Variants in SGCZ observed in about 807,000 individuals in gnomAD.
SGCZ encodes sarcoglycan zeta, also known as zeta-sarcoglycan.
SGCZ carries 40 observed loss-of-function variants against 41.3 expected under a neutral mutation model. That is an observed-to-expected ratio of 0.97 (90% CI 0.75 to 1.26). The LOEUF (loss-of-function observed/expected upper bound fraction) is 1.26, where lower values mean the gene tolerates loss of function less well. SGCZ is among the 50% of genes most tolerant of loss of function. SGCZ has a pLI of 0.00. For missense variants in SGCZ, 552 were observed against 369.8 expected (o/e 1.49, Z -4.04); for synonymous variants, 206 against 137.5 (o/e 1.50, Z -3.49).
intron 3 of SGCZ, among the ~76,000 whole-genome samples, chr8:14,241,542 C>G (rs1563206422): frequency 6.8e-6 from 1 of 147,768 alleles, no homozygotes; most frequent in African/African-American, 2.5e-5. Flanking sequence ...ACATAAATAT[C>G]TTTTTTTTTT....
chr8:14,845,961 T>C (rs1803086618), intron 1 of SGCZ, among the ~76,000 whole-genome samples: 1 of 152,186 alleles, frequency 6.6e-6, no homozygotes, highest in African/African-American at 2.4e-5. Context: ...CATTTCTTGA[T>C]GATAAACGGG....
chr8:15,222,676 C>G (rs187043816), intron 1 of SGCZ, among the ~76,000 whole-genome samples: 1 of 152,200 alleles, frequency 6.6e-6, no homozygotes, highest in African/African-American at 2.4e-5. Context: ...ACATCCCAAA[C>G]TGCTTGGCTG....
chr8:14,988,408 T>C (rs559541134), intron 1 of SGCZ, among the ~76,000 whole-genome samples: 2 of 152,130 alleles, frequency 1.3e-5, no homozygotes, highest in African/African-American at 4.8e-5. Context: ...AACTTCAACA[T>C]CTCTTCCTTA....
intron 1 of SGCZ, among the ~76,000 whole-genome samples, chr8:14,996,786 A>G (rs1802235517): frequency 6.6e-6 from 1 of 152,182 alleles, no homozygotes; most frequent in African/African-American, 2.4e-5. Flanking sequence ...AAGAAACACT[A>G]TATGCCAAAC....
chr8:14,409,746 TA>T (rs1295790427), intron 2 of SGCZ, among the ~76,000 whole-genome samples: 1 of 152,132 alleles, frequency 6.6e-6, no homozygotes, highest in East Asian at 1.9e-4. Flanking sequence ...CTTAAATAAA[TA>T]AAATCTACTG....
chr8:14,834,761 G>T (rs1486966716), intron 1 of SGCZ, among the ~76,000 whole-genome samples: 1 of 152,148 alleles, frequency 6.6e-6, no homozygotes, highest in African/African-American at 2.4e-5. Context: ...TATTTGGAGA[G>T]CATGTCTTCC....
At chr8:14,662,001 A>G (rs1160652828) in intron 1 of SGCZ, among the ~76,000 whole-genome samples, 1 of 152,208 alleles carries the variant, frequency 6.6e-6, no homozygotes, top group African/African-American at 2.4e-5. Flanking sequence ...GACTTATATT[A>G]TTATACCAAA....
rs144615061 is a variant in SGCZ at position 14,134,929 on chromosome 8, C to A, written c.548-26694G>T. 5.9e-3 allele frequency among the ~76,000 whole-genome samples: 894 copies of A among 152,226 alleles called. 6 individuals carry two copies. Among genetic ancestry groups the A allele is most frequent in the African/African-American group, 0.02 (850 of 41,540 alleles). ...TGAGAATGTTAAATTAAAACTTTAA[C>A]ATAAATTATTATGTTATTATTGAAA... On this transcript the variant is annotated intron_variant, in intron 5 of 7. Transcript: ENST00000382080.
chr8:14,451,306 C>A (rs936042208), intron 2 of SGCZ, among the ~76,000 whole-genome samples: 2 of 152,094 alleles, frequency 1.3e-5, no homozygotes, highest in African/African-American at 4.8e-5. Context: ...CATGAAGGTT[C>A]AGTGATCTTA....
Position 14,095,224 on chromosome 8 carries a change from G to T in SGCZ, c.745-4587C>A, listed in dbSNP as rs528073169. 3.9e-5 allele frequency among the ~76,000 whole-genome samples: 6 copies of T among 152,236 alleles called. No homozygotes were observed. In the South Asian group the frequency reaches 1.2e-3, roughly 32 times the overall value. ...CCGTGCCTATGTCAAGAATGGCATT[G>T]CCTAAGTTTTCTTCTAGGGTTTTAC... On this transcript the variant is annotated intron_variant, in intron 7 of 7. Transcript: ENST00000382080.
Position 15,008,557 on chromosome 8 carries a change from G to A in SGCZ, c.39+229028C>T, listed in dbSNP as rs1282245314. The stretch of plus-strand genomic sequence containing the variant: ...GAAGGAAGGAAGGGAGGGAGTGAGG[G>A]AGGGAGGGAGGGAGGGGGAGGGGGA... On this transcript the variant is annotated intron_variant, in intron 1 of 7. Transcript: ENST00000382080. Among the ~76,000 whole-genome samples, 51 of 58,724 alleles carry A rather than the reference G, an allele frequency of 8.7e-4. 3 individuals carry two copies. Among genetic ancestry groups the A allele is most frequent in the African/African-American group, 2.9e-3 (40 of 14,010 alleles). 38.5% of individuals were successfully genotyped at this position (58,724 alleles called of 152,430 possible).
At chr8:14,998,993 G>T (rs1232162935) in intron 1 of SGCZ, among the ~76,000 whole-genome samples, 1 of 152,250 alleles carries the variant, frequency 6.6e-6, no homozygotes. Context: ...GGTACACTTG[G>T]ATTTAATATC....
At chr8:14,202,843 T>C (rs920581971) in intron 4 of SGCZ, among the ~76,000 whole-genome samples, 7 of 152,160 alleles carry the variant, frequency 4.6e-5, no homozygotes, top group Admixed American at 2.6e-4. Flanking sequence ...GATATGGATA[T>C]GGTTTGGCTG....
At chr8:14,644,329 G>A (rs1446125633) in intron 1 of SGCZ, among the ~76,000 whole-genome samples, 2 of 151,902 alleles carry the variant, frequency 1.3e-5, no homozygotes, top group South Asian at 4.1e-4. Flanking sequence ...TCCCAGGAAA[G>A]AAGAAATTCT....
At chr8:14,705,218 A>T (rs1809296030) in intron 1 of SGCZ, among the ~76,000 whole-genome samples, 1 of 151,936 alleles carries the variant, frequency 6.6e-6, no homozygotes, top group South Asian at 2.1e-4. Context: ...GGTGGTCAAT[A>T]TGTAACCTTG....
intron 1 of SGCZ, among the ~76,000 whole-genome samples, chr8:14,726,307 A>AATAAATATATAT (rs1554488696): frequency 1.3e-5 from 1 of 75,840 alleles, no homozygotes; most frequent in Non-Finnish European, 3.2e-5. Context: ...TATATGTGTA[A>AATAAATATATAT]ATACATATAT....
intron 1 of SGCZ, among the ~76,000 whole-genome samples, chr8:14,655,664 T>C (rs1807542488): frequency 6.6e-6 from 1 of 152,098 alleles, no homozygotes; most frequent in South Asian, 2.1e-4. Flanking sequence ...TGTAAAACTA[T>C]TATGCAATAA....
intron 5 of SGCZ, among the ~76,000 whole-genome samples, chr8:14,116,558 T>C (rs1358113857): frequency 6.6e-6 from 1 of 152,098 alleles, no homozygotes; most frequent in African/African-American, 2.4e-5. Context: ...AACAAGATAG[T>C]ACGACATGCA....
chr8:14,922,398 G>T (rs1417660883), intron 1 of SGCZ, among the ~76,000 whole-genome samples: 1 of 152,078 alleles, frequency 6.6e-6, no homozygotes, highest in African/African-American at 2.4e-5. Flanking sequence ...TAAATATTGA[G>T]AAAACAGTGA....
Sources: gnomAD v4.1 joint callset for allele counts (sites outside exome capture counted in the v4.1 genomes callset) on GRCh38, gnomAD v4.1.1 for gene constraint, MANE v1.5 for transcripts, NCBI Gene and HGNC (gene_info 2026-07-23, HGNC 2026-07-21) for gene names.